The following ARHGEF3 variants were observed in gnomAD, a reference collection of about 807,000 sequenced individuals.
ARHGEF3 encodes 59.8 kDA protein.
A neutral mutation model predicts 63.2 loss-of-function variants in ARHGEF3; 28 were observed. That is an observed-to-expected ratio of 0.44 (90% CI 0.33 to 0.61). ARHGEF3 has a LOEUF of 0.61. Ranked by LOEUF, ARHGEF3 falls within the 20% of genes least tolerant of loss-of-function variation. The probability of loss-of-function intolerance (pLI) is 0.03; values close to 1 mark genes in which losing one functional copy is unlikely to be tolerated. For synonymous variants in ARHGEF3, 266 were observed against 254.2 expected (o/e 1.05, Z -0.44); for missense variants, 533 against 659.3 (o/e 0.81, Z 2.10).
At chr3:56,790,327 C>T (rs577131192) in intron 1 of ARHGEF3, among the ~76,000 whole-genome samples, 8 of 152,310 alleles carry the variant, frequency 5.3e-5, no homozygotes, top group African/African-American at 1.9e-4. Context: ...TAAGTCACCA[C>T]CAAACATCTG....
chr3:56,968,468 A>G (rs1466856428), intron 2 of ARHGEF3, among the ~76,000 whole-genome samples: 1 of 142,074 alleles, frequency 7.0e-6, no homozygotes, highest in Non-Finnish European at 1.5e-5. Context: ...GCCTCCTAAG[A>G]CTACAGGCAC....
chr3:57,034,848 G>A (rs1293072573), intron 2 of ARHGEF3, among the ~76,000 whole-genome samples: 2 of 151,656 alleles, frequency 1.3e-5, no homozygotes, highest in East Asian at 3.9e-4. Flanking sequence ...TAGTAGAGAT[G>A]AGGTCTCACT....
chr3:56,748,326 G>C (rs1018705540), intron 6 of ARHGEF3, among the ~76,000 whole-genome samples: 3 of 152,110 alleles, frequency 2.0e-5, no homozygotes, highest in African/African-American at 7.2e-5. Context: ...CACTGTGCTT[G>C]GGCCCTAGAA....
At chr3:57,050,534 A>G (rs1443417215) in intron 1 of ARHGEF3, among the ~76,000 whole-genome samples, 5 of 152,112 alleles carry the variant, frequency 3.3e-5, no homozygotes, top group African/African-American at 1.2e-4. Context: ...TTGGGGGGTC[A>G]GTTGTTGACT....
chr3:56,856,707 T>C (rs1391430998), intron 4 of ARHGEF3, among the ~76,000 whole-genome samples: 1 of 119,498 alleles, frequency 8.4e-6, no homozygotes, highest in East Asian at 2.2e-4. Flanking sequence ...AGAGGTTTTT[T>C]GTTTTTTTTT....
intron 1 of ARHGEF3, among the ~76,000 whole-genome samples, chr3:57,063,128 T>G (rs548813702): frequency 1.5e-4 from 23 of 151,924 alleles, no homozygotes; most frequent in African/African-American, 5.6e-4. Flanking sequence ...TTGGGAGAGG[T>G]GCATTTTGGG....
intron 2 of ARHGEF3, among the ~76,000 whole-genome samples, chr3:56,766,190 T>C (rs891928144): frequency 3.3e-5 from 5 of 152,180 alleles, no homozygotes; most frequent in Admixed American, 1.3e-4. Context: ...CCTTTCTGTA[T>C]TGACTCTCTC....
intron 2 of ARHGEF3, among the ~76,000 whole-genome samples, chr3:56,971,758 G>C (rs1423753920): frequency 1.3e-5 from 2 of 152,040 alleles, no homozygotes; most frequent in Non-Finnish European, 2.9e-5. Context: ...GGAGGCTGAG[G>C]CAGGAGAATG....
chr3:56,929,137 T>C (rs981740642), intron 3 of ARHGEF3, among the ~76,000 whole-genome samples: 5 of 152,074 alleles, frequency 3.3e-5, no homozygotes, highest in African/African-American at 7.2e-5. Context: ...GTCCTCTGGA[T>C]TGGGGAAGAA....
chr3:56,767,540 C>T (rs1335278229), intron 2 of ARHGEF3, among the ~76,000 whole-genome samples: 3 of 136,906 alleles, frequency 2.2e-5, no homozygotes, highest in East Asian at 2.4e-4. Context: ...GCTGAGATTG[C>T]GCCACTGCAC....
chr3:56,779,417 A>C (rs377449583), intron 1 of ARHGEF3, among the ~76,000 whole-genome samples: 20 of 152,216 alleles, frequency 1.3e-4, no homozygotes, highest in Non-Finnish European at 1.9e-4. Flanking sequence ...GACAAAATAC[A>C]TGTCAAATGG....
chr3:56,859,390 C>T (rs1361682675), intron 4 of ARHGEF3, among the ~76,000 whole-genome samples: 3 of 152,020 alleles, frequency 2.0e-5, no homozygotes, highest in South Asian at 2.1e-4. Context: ...CCGCCTACCT[C>T]GGCCTCCCAA....
chr3:56,808,182 A>T (rs2037934229), intron 4 of ARHGEF3, among the ~76,000 whole-genome samples: 1 of 151,746 alleles, frequency 6.6e-6, no homozygotes, highest in Admixed American at 6.6e-5. Flanking sequence ...TAATTCTTGC[A>T]TTTTCTTTAA....
intron 1 of ARHGEF3, among the ~76,000 whole-genome samples, chr3:57,043,337 G>A (rs1199924044): frequency 4.0e-5 from 6 of 151,696 alleles, no homozygotes; most frequent in South Asian, 4.2e-4. Context: ...GGCTGGTCTC[G>A]AACTCCTGAC....
intron 2 of ARHGEF3, among the ~76,000 whole-genome samples, chr3:57,030,356 T>C (rs1228472107): frequency 6.6e-6 from 1 of 152,134 alleles, no homozygotes; most frequent in African/African-American, 2.4e-5. Flanking sequence ...GGGGAGATTT[T>C]TGTTTTGGAA....
intron 3 of ARHGEF3, among the ~76,000 whole-genome samples, chr3:56,901,061 C>T (rs942770320): frequency 1.3e-5 from 2 of 152,204 alleles, no homozygotes; most frequent in East Asian, 3.8e-4. Flanking sequence ...TTGGGAAACA[C>T]TTTCCAGAAA....
intron 3 of ARHGEF3, among the ~76,000 whole-genome samples, chr3:56,909,296 C>T (rs946414019): frequency 1.3e-5 from 2 of 152,210 alleles, no homozygotes; most frequent in African/African-American, 4.8e-5. Context: ...AGGCCAAGTA[C>T]CATGTTAAAT....
chr3:56,795,109 G>C (rs1381226552), intron 1 of ARHGEF3, among the ~76,000 whole-genome samples: 2 of 151,322 alleles, frequency 1.3e-5, no homozygotes, highest in Non-Finnish European at 2.9e-5. Flanking sequence ...AAGCAATCCT[G>C]CTGCCTCTGC....
chr3:56,908,919 T>C (rs962721742), intron 3 of ARHGEF3, among the ~76,000 whole-genome samples: 5 of 152,202 alleles, frequency 3.3e-5, no homozygotes, highest in Non-Finnish European at 5.9e-5. Flanking sequence ...GTATGTTCTA[T>C]CTCATTCAGT....
Sources: allele counts gnomAD v4.1 joint callset (sites outside exome capture counted in the v4.1 genomes callset), GRCh38; gene constraint gnomAD v4.1.1; transcripts MANE v1.5; gene names NCBI Gene and HGNC (gene_info 2026-07-23, HGNC 2026-07-21).